The following ANK1 variants were observed in gnomAD, a reference collection of about 807,000 sequenced individuals.
ANK1 encodes the protein ankyrin-1.
ANK1 carries 51 observed loss-of-function variants against 210.4 expected under a neutral mutation model. The observed-to-expected ratio is 0.24, with a 90% CI of 0.19 to 0.31. The LOEUF (loss-of-function observed/expected upper bound fraction) is 0.31, where lower values mean the gene tolerates loss of function less well. Ranked by LOEUF, ANK1 falls within the 10% of genes least tolerant of loss-of-function variation. The pLI, the probability that ANK1 is intolerant of heterozygous loss-of-function variation, is 1.00. For missense variants in ANK1, 2,051 were observed against 2,504.4 expected (o/e 0.82, Z 3.86); for synonymous variants, 967 against 1,025.9 (o/e 0.94, Z 1.10).
intron 8 of ANK1, 88 bp from the exon 9 acceptor site, chr8:41,723,311 G>T: frequency 7.1e-7 from 1 of 1,407,048 alleles, no homozygotes; most frequent in Non-Finnish European, 1.0e-6. Context: ...CATCATCCCA[G>T]CCCACGCAAG....
intron 1 of ANK1, among the ~76,000 whole-genome samples, chr8:41,876,451 T>C (rs1563949856): frequency 6.6e-6 from 1 of 152,194 alleles, no homozygotes; most frequent in Non-Finnish European, 1.5e-5. Context: ...AAGGTAACCT[T>C]GAAACCTCAC....
chr8:41,723,829 G>C (rs186344734), intron 7 of ANK1, among the ~76,000 whole-genome samples, 196 bp from the exon 8 acceptor site: 1 of 143,846 alleles, frequency 7.0e-6, no homozygotes, highest in Non-Finnish European at 1.5e-5. Flanking sequence ...TCGCTCTGTC[G>C]CCCAGGCTGG....
In ANK1 at chr8:41,694,893, C is replaced by A; in HGVS notation, c.3116-90G>T. ...CCCCAGAGTCTCCTTGTCCCCAAGA[C>A]CCAGTGCACACACCCTCCCCAGGTG... On this transcript the variant is annotated intron_variant, in intron 27 of 42. Coordinates refer to ENST00000289734, the MANE Select transcript of ANK1 (RefSeq NM_000037.4). The surrounding 1 kb of genome is among the most constrained non-coding windows in gnomAD (Gnocchi z 5.7). 2.2e-6 allele frequency: 3 copies of A among 1,353,746 alleles called. No homozygotes were observed. The highest frequency in any genetic ancestry group is 2.4e-5 in the East Asian group (1 of 42,358). 83.9% of individuals were successfully genotyped at this position (1,353,746 alleles called of 1,614,324 possible). A position where few individuals can be genotyped will look rare whatever the true frequency, so the allele number is the denominator to read the frequency against.
chr8:41,760,724 T>G (rs1489648647), intron 1 of ANK1, among the ~76,000 whole-genome samples: 1 of 151,998 alleles, frequency 6.6e-6, no homozygotes, highest in Non-Finnish European at 1.5e-5. Flanking sequence ...CTTTTCATGA[T>G]GCTTAAAAGA....
chr8:41,842,231 G>A (rs530506901), intron 1 of ANK1, among the ~76,000 whole-genome samples: 2 of 152,298 alleles, frequency 1.3e-5, no homozygotes, highest in South Asian at 2.1e-4. Context: ...AGTGGCTCAC[G>A]CCTATAATCC....
intron 16 of ANK1, among the ~76,000 whole-genome samples, chr8:41,712,432 T>C (rs1024533367): frequency 6.6e-6 from 1 of 152,228 alleles, no homozygotes; most frequent in Non-Finnish European, 1.5e-5. Context: ...GAGATACAAG[T>C]GCCACTGTGA....
intron 11 of ANK1, 92 bp downstream of exon 11, chr8:41,718,013 CA>C: frequency 8.2e-7 from 1 of 1,213,560 alleles, no homozygotes; most frequent in African/African-American, 1.5e-5. Flanking sequence ...CACACCCCTG[CA>C]GCCATACAAA....
chr8:41,859,918 C>A (rs1370613335), intron 1 of ANK1, among the ~76,000 whole-genome samples: 3 of 152,208 alleles, frequency 2.0e-5, no homozygotes, highest in Non-Finnish European at 4.4e-5. Context: ...AGTCCAGATT[C>A]TCTAGAAAAT....
chr8:41,857,668 G>A (rs1165068837), intron 1 of ANK1, among the ~76,000 whole-genome samples: 3 of 151,582 alleles, frequency 2.0e-5, no homozygotes, highest in Non-Finnish European at 4.4e-5. Flanking sequence ...AACCCGGGAG[G>A]CTGAGGTTGC....
intron 2 of ANK1, among the ~76,000 whole-genome samples, chr8:41,735,969 G>T (rs1260835536): frequency 6.6e-6 from 1 of 152,054 alleles, no homozygotes; most frequent in South Asian, 2.1e-4. Flanking sequence ...AGGGAGAGGG[G>T]GTGGTTCACC....
intron 2 of ANK1, among the ~76,000 whole-genome samples, chr8:41,749,419 T>G (rs1175459832): frequency 6.7e-6 from 1 of 149,262 alleles, no homozygotes; most frequent in Non-Finnish European, 1.5e-5. Context: ...TGCCTCAGAC[T>G]ACCAAGTAGC....
At position 41,886,873 on chromosome 8, in the gene ANK1, T is replaced by G. The variant is rs1005355372; in HGVS notation, c.126+9482A>C. 2.0e-5 allele frequency among the ~76,000 whole-genome samples: 3 copies of G among 152,148 alleles called. No homozygotes were observed. The East Asian group carries it at 5.8e-4, about 29-fold the overall frequency. On this transcript the variant is annotated intron_variant, in intron 1 of 42. Transcript: ENST00000265709. ...GGGAGTGTCAGGATCTGATTTGCAT[T>G]TTTGGAAGATCCCCCTGGCTGCAGA...
chr8:41,723,220 C>T lies in ANK1; in HGVS notation c.814G>A (p.Glu272Lys), dbSNP rs376057905. 21 of 1,614,008 alleles carry T rather than the reference C, an allele frequency of 1.3e-5. No individual in the cohort carries two copies. The highest frequency in any genetic ancestry group is 9.9e-5 in the South Asian group (9 of 91,076). The change falls in exon 9 of 43, where the codon GAA (glutamate) becomes AAA (lysine). Residue 272 changes from glutamate to lysine, a missense_variant. Glu to Lys is a moderately conservative substitution (Grantham distance 56, BLOSUM62 1). Transcript: ENST00000289734. ...GCTGCACAGTGGAGAGGTGTCAATT[C>T]GTCCTTTAAAAGACAGAGTCAAAAA... Reference protein sequence around the residue: ...GAQIETKTKDELTPLHCAARN... With the variant: ...GAQIETKTKDKLTPLHCAARN...
intron 1 of ANK1, among the ~76,000 whole-genome samples, chr8:41,812,894 C>T (rs1191160447): frequency 6.6e-6 from 1 of 152,310 alleles, no homozygotes; most frequent in Middle Eastern, 3.4e-3. Flanking sequence ...GGAGCTCAGG[C>T]AGCAATGCTT....
chr8:41,834,610 G>A (rs1287870586), intron 1 of ANK1, among the ~76,000 whole-genome samples: 1 of 152,236 alleles, frequency 6.6e-6, no homozygotes, highest in Non-Finnish European at 1.5e-5. Context: ...ACCTGCTGAG[G>A]GAGGTTCTCA....
rs765760286 is a variant in ANK1 at position 41,693,178 on chromosome 8, C to T, written c.3556G>A (p.Glu1186Lys). 6.2e-7 allele frequency: 1 copy of T among 1,612,888 alleles called. No individual in the cohort carries two copies. The highest frequency in any genetic ancestry group is 8.5e-7 in the Non-Finnish European group (1 of 1,179,000). The change falls in exon 30 of 43, where the codon GAA (glutamate) becomes AAA (lysine). Residue 1186 changes from glutamate (E) to lysine (K), a missense_variant. Physicochemically the swap from Glu to Lys is moderately conservative, Grantham distance 56. This residue lies in a region of ANK1 where 1,413 missense variants were observed against 1,707.4 expected (regional missense o/e 0.83). Coordinates refer to ENST00000289734, the MANE Select transcript of ANK1 (RefSeq NM_000037.4). ...AGTTTGGTGGTTCCTGTTATGTCTT[C>T]CCACTGGGCTTGGTCTGTTCCTCCT... ...VIGGTDQAQW[E>K]DITGTTKLVY...
intron 16 of ANK1, among the ~76,000 whole-genome samples, chr8:41,710,903 T>G (rs1282811220): frequency 2.0e-5 from 3 of 152,252 alleles, no homozygotes; most frequent in Admixed American, 1.3e-4. Flanking sequence ...AGGTGGCTTT[T>G]GTGGTGAAAC....
intron 1 of ANK1, among the ~76,000 whole-genome samples, chr8:41,891,018 A>G (rs1203867470): frequency 2.6e-5 from 4 of 152,218 alleles, no homozygotes; most frequent in African/African-American, 7.2e-5. Flanking sequence ...CTGCATGTGC[A>G]TGTGTGTATG....
chr8:41,696,138 C>T (rs1490490586), intron 26 of ANK1, among the ~76,000 whole-genome samples: 1 of 152,212 alleles, frequency 6.6e-6, no homozygotes, highest in Non-Finnish European at 1.5e-5. Flanking sequence ...GATGCTCTCA[C>T]CTCAGCCTCC....
Sources: allele counts gnomAD v4.1 joint callset (sites outside exome capture counted in the v4.1 genomes callset), GRCh38; gene constraint gnomAD v4.1.1; regional missense constraint gnomAD v4.1.1; non-coding constraint Gnocchi (gnomAD v3.1); transcripts MANE v1.5; gene names NCBI Gene and HGNC (gene_info 2026-07-23, HGNC 2026-07-21).